Variants in CHRNA1 observed in about 807,000 individuals in gnomAD.
CHRNA1 encodes acetylcholine receptor subunit alpha.
A neutral mutation model predicts 47.1 loss-of-function variants in CHRNA1; 35 were observed. That is an observed-to-expected ratio of 0.74 (90% confidence interval 0.57 to 0.99). The LOEUF is 0.99. Among genes scored for constraint, CHRNA1 ranks in the 50% least tolerant of loss-of-function variants. The probability of loss-of-function intolerance (pLI) is 0.00; values close to 1 mark genes in which losing one functional copy is unlikely to be tolerated. For missense variants in CHRNA1, 506 were observed against 591.1 expected, an observed-to-expected ratio of 0.86 and a Z score of 1.49; for synonymous variants, 229 against 223.6, an observed-to-expected ratio of 1.02 and a Z score of -0.22.
intron 6 of CHRNA1, 93 bp downstream of exon 6, chr2:174,753,410 T>G: frequency 8.0e-7 from 1 of 1,249,790 alleles, no homozygotes; most frequent in Admixed American, 1.7e-5. Context: ...TCGATCTGCC[T>G]GTTTGTTAGC....
At chr2:174,760,209 A>G (rs1684076692) in intron 1 of CHRNA1, among the ~76,000 whole-genome samples, 1 of 152,164 alleles carries the variant, frequency 6.6e-6, no homozygotes, top group African/African-American at 2.4e-5. Flanking sequence ...CACAGGTACC[A>G]TACGATCCAG....
intron 4 of CHRNA1, among the ~76,000 whole-genome samples, chr2:174,756,089 C>A (rs1574008928): frequency 6.6e-6 from 1 of 150,700 alleles, no homozygotes; most frequent in East Asian, 1.9e-4. Context: ...TCTAGAGAGG[C>A]TAAAAAATAG....
chr2:174,750,953 C>T (rs902234169), intron 6 of CHRNA1, among the ~76,000 whole-genome samples: 2 of 152,072 alleles, frequency 1.3e-5, no homozygotes, highest in Non-Finnish European at 2.9e-5. Flanking sequence ...AATGGGCAGC[C>T]CAGAAGTACA....
intron 4 of CHRNA1, among the ~76,000 whole-genome samples, chr2:174,757,151 C>T (rs947355973): frequency 2.0e-5 from 3 of 152,016 alleles, no homozygotes; most frequent in African/African-American, 7.3e-5. Flanking sequence ...AGCGATAGGA[C>T]GTTTGGGTGC....
chr2:174,757,965 A>G (rs1348685007), intron 3 of CHRNA1: 1 of 1,590,830 alleles, frequency 6.3e-7, no homozygotes, highest in Admixed American at 1.7e-5. Flanking sequence ...CAGATGAGAA[A>G]ACAAAGGAAC....
intron 3 of CHRNA1, 41 bp from the exon 4 acceptor site, chr2:174,757,716 A>G: frequency 6.5e-7 from 1 of 1,539,866 alleles, no homozygotes; most frequent in East Asian, 2.2e-5. Context: ...AGCCAAAAAC[A>G]CTTTCTAAAA....
At chr2:174,758,763 G>A (rs967463390) in intron 3 of CHRNA1, among the ~76,000 whole-genome samples, 3 of 152,198 alleles carry the variant, frequency 2.0e-5, no homozygotes, top group Middle Eastern at 3.4e-3. Flanking sequence ...TTCAGAACGT[G>A]ACCTAATTTG....
chr2:174,750,145 G>A lies in CHRNA1; in HGVS notation c.803C>T (p.Ser268Phe). The A allele has an allele frequency of 6.2e-7, 1 of 1,609,342 alleles. No individual in the cohort carries two copies. Among genetic ancestry groups the A allele is most frequent in the Non-Finnish European group, 8.5e-7 (1 of 1,178,344 alleles). The change falls in exon 7 of 9, where the codon TCT becomes TTT. Residue 268 changes from serine to phenylalanine, a missense_variant. Coordinates refer to ENST00000348749, the MANE Select transcript of CHRNA1 (RefSeq NM_000079.4). ...GAACACAGTCAAAGACAGTAAGACA[G>A]AGATGCTCAGAGTCATCTTCTCCCC... is the stretch of plus-strand genomic sequence containing the variant. Reference protein sequence around the residue: ...DSGEKMTLSISVLLSLTVFLL... With the variant: ...DSGEKMTLSIFVLLSLTVFLL...
chr2:174,751,743 A>G (rs1683855422), intron 6 of CHRNA1, among the ~76,000 whole-genome samples: 1 of 147,958 alleles, frequency 6.8e-6, no homozygotes, highest in South Asian at 2.1e-4. Context: ...CAGTGGTGCC[A>G]TCTCAGCTCA....
chr2:174,753,805 A>G (rs1683912414), intron 5 of CHRNA1, 65 bp from the exon 6 acceptor site: 2 of 1,475,734 alleles, frequency 1.4e-6, no homozygotes, highest in Non-Finnish European at 1.9e-6. Flanking sequence ...AGCGTTTTGT[A>G]ATCAGCAGTG....
At chr2:174,752,427 G>A (rs1042824295) in intron 6 of CHRNA1, among the ~76,000 whole-genome samples, 7 of 152,078 alleles carry the variant, frequency 4.6e-5, no homozygotes, top group African/African-American at 1.4e-4. Flanking sequence ...AAAATTAGCC[G>A]AGTGTGGTGG....
At chr2:174,756,448 C>G (rs1488142769) in intron 4 of CHRNA1, among the ~76,000 whole-genome samples, 1 of 152,108 alleles carries the variant, frequency 6.6e-6, no homozygotes, top group East Asian at 1.9e-4. Flanking sequence ...TGGCATTGGA[C>G]CCACCCAAAG....
chr2:174,759,393 G>T lies in CHRNA1; in HGVS notation c.190-18C>A. 6.2e-7 allele frequency: 1 copy of T among 1,613,882 alleles called. No individual in the cohort carries two copies. Among genetic ancestry groups the T allele is most frequent in the Middle Eastern group, 1.6e-4 (1 of 6,062 alleles). On this transcript the variant is annotated intron_variant, in intron 2 of 8. Coordinates refer to ENST00000348749, the MANE Select transcript of CHRNA1 (RefSeq NM_000079.4). The stretch of plus-strand genomic sequence containing the variant: ...ACTTCATCCTGGAAAAAAAAATAAG[G>T]ATCATTTTTATGGGGGAGAGAGGGG...
chr2:174,753,777 G>A (rs1301524344), intron 5 of CHRNA1, 37 bp from the exon 6 acceptor site: 7 of 1,604,036 alleles, frequency 4.4e-6, no homozygotes, highest in African/African-American at 2.7e-5. Context: ...TCCCAGGCAG[G>A]TCACCCTGAT....
rs1353286878 is a variant in CHRNA1, at chr2:174,748,356, C to G, written c.1243-101G>C. 22 of 1,521,510 alleles carry G rather than the reference C, an allele frequency of 1.4e-5. No individual in the cohort carries two copies. The Admixed American group carries it at 4.0e-4, about 27-fold the overall frequency. 94.3% of individuals were successfully genotyped at this position (1,521,510 alleles called of 1,614,324 possible). A position where few individuals can be genotyped will look rare whatever the true frequency, so the allele number is the denominator to read the frequency against. The stretch of plus-strand genomic sequence containing the variant: ...ACTATGGGCCCTTCAATTTGTAGAT[C>G]TCAAAGTCCTCCCATCCCTTGGCTG... On this transcript the variant is annotated intron_variant, in intron 8 of 8. Transcript: ENST00000348749.
intron 5 of CHRNA1, 92 bp downstream of exon 5, chr2:174,754,127 G>A: frequency 8.7e-7 from 1 of 1,155,770 alleles, no homozygotes; most frequent in Non-Finnish European, 1.3e-6. Context: ...GTTCTAACTG[G>A]TACTGAGAGC....
intron 6 of CHRNA1, 36 bp from the exon 7 acceptor site, chr2:174,750,205 A>G (rs372218961): frequency 2.6e-5 from 40 of 1,526,524 alleles, no homozygotes; most frequent in Middle Eastern, 1.7e-4. Context: ...AAATCCCACA[A>G]CTACCCATCT....
chr2:174,759,231 T>A (rs1050192518), intron 3 of CHRNA1, 100 bp downstream of exon 3: 5 of 1,246,324 alleles, frequency 4.0e-6, no homozygotes, highest in Non-Finnish European at 5.9e-6. Context: ...TTTCAACATT[T>A]TGGTATATAT....
At chr2:174,761,962 C>T (rs1248978305) in intron 1 of CHRNA1, among the ~76,000 whole-genome samples, 1 of 152,174 alleles carries the variant, frequency 6.6e-6, no homozygotes, top group Non-Finnish European at 1.5e-5. Flanking sequence ...ACAGGAAGAA[C>T]ATATTAGAAA....
Sources: allele counts gnomAD v4.1 joint callset (sites outside exome capture counted in the v4.1 genomes callset), GRCh38; gene constraint gnomAD v4.1.1; transcripts MANE v1.5; gene names NCBI Gene and HGNC (gene_info 2026-07-23, HGNC 2026-07-21).